The following UBE4B variants were observed in gnomAD, a reference collection of about 807,000 sequenced individuals.
UBE4B encodes ubiquitin conjugation factor E4 B.
UBE4B carries 27 observed loss-of-function variants against 148.1 expected under a neutral mutation model. The ratio of observed to expected loss-of-function variants is 0.18; its 90% CI spans 0.13 to 0.25. The LOEUF is 0.25. UBE4B is among the 10% of genes least tolerant of loss of function. The probability of loss-of-function intolerance (pLI) is 1.00; values close to 1 mark genes in which losing one functional copy is unlikely to be tolerated. For missense variants in UBE4B, 1,170 were observed against 1,662.4 expected (o/e 0.70, Z 5.15); for synonymous variants, 596 against 619.3 (o/e 0.96, Z 0.56).
At chr1:10,092,851 A>G (rs1644871689) in intron 2 of UBE4B, among the ~76,000 whole-genome samples, 2 of 152,022 alleles carry the variant, frequency 1.3e-5, no homozygotes, top group Admixed American at 6.5e-5. Flanking sequence ...GAAGAAAGAA[A>G]AGAAAAGAAG....
chr1:10,178,079 A>G (rs1024417847), intron 25 of UBE4B, among the ~76,000 whole-genome samples: 1 of 152,248 alleles, frequency 6.6e-6, no homozygotes, highest in Admixed American at 6.5e-5. Flanking sequence ...AGGGTGGTCT[A>G]ACGTCCATGG....
In UBE4B at chr1:10,135,047, G is replaced by A. The variant is rs200414852; in HGVS notation, c.2085G>A (p.Gln695=). ...GFMLNFLWVL[Q]QLSTKIKLET... is the part of the protein sequence containing the mutation. ...TGCTGAATTTCCTTTGGGTACTGCA[G>A]CAGCTAAGTACAAAAATCAAGTTAG... The change falls in exon 16 of 28, where the codon CAG becomes CAA. Residue 695 remains glutamine (Q), a synonymous_variant. Coordinates refer to ENST00000343090, the MANE Select transcript of UBE4B (RefSeq NM_001105562.3). 131 of 1,614,010 alleles carry A rather than the reference G, an allele frequency of 8.1e-5. No individual in the cohort carries two copies. The highest frequency in any genetic ancestry group is 4.4e-5 in the South Asian group (4 of 91,084).
At chr1:10,126,689 G>T (rs1645504279) in intron 10 of UBE4B, 105 bp from the exon 11 acceptor site, 1 of 969,086 alleles carries the variant, frequency 1.0e-6, no homozygotes, top group Non-Finnish European at 1.6e-6. Context: ...TTTCCCTGGG[G>T]AAGGAATGAA....
At chr1:10,147,441 C>G (rs1645893416) in intron 19 of UBE4B, among the ~76,000 whole-genome samples, 1 of 151,998 alleles carries the variant, frequency 6.6e-6, no homozygotes, top group Non-Finnish European at 1.5e-5. Context: ...TGCATTGAGC[C>G]GAGATCATGC....
At chr1:10,094,397 G>A (rs2101872283) in intron 2 of UBE4B, among the ~76,000 whole-genome samples, 1 of 151,430 alleles carries the variant, frequency 6.6e-6, no homozygotes, top group Non-Finnish European at 1.5e-5. Flanking sequence ...ATTTTGCAGG[G>A]AACACCCGTA....
At chr1:10,063,208 C>G (rs1644321166) in intron 1 of UBE4B, among the ~76,000 whole-genome samples, 3 of 152,276 alleles carry the variant, frequency 2.0e-5, no homozygotes, top group Admixed American at 2.0e-4. Context: ...GCAGAGGTTG[C>G]AGTGAGCTGA....
At chr1:10,132,276 A>G in intron 14 of UBE4B, 93 bp from the exon 15 acceptor site, 2 of 838,622 alleles carry the variant, frequency 2.4e-6, no homozygotes, top group Non-Finnish European at 3.8e-6. Flanking sequence ...AGAGGAGAGA[A>G]CGTGGGAAGT....
At chr1:10,095,155 A>G (rs1371542027) in intron 2 of UBE4B, among the ~76,000 whole-genome samples, 1 of 152,024 alleles carries the variant, frequency 6.6e-6, no homozygotes, top group Non-Finnish European at 1.5e-5. Flanking sequence ...TTGTATTTCT[A>G]ATTTGTATTT....
intron 25 of UBE4B, among the ~76,000 whole-genome samples, chr1:10,177,658 A>AATAT (rs373828728): frequency 6.6e-5 from 10 of 151,060 alleles, no homozygotes; most frequent in African/African-American, 2.2e-4. Flanking sequence ...TCTGTCTCAA[A>AATAT]ATATATATAT....
intron 2 of UBE4B, among the ~76,000 whole-genome samples, chr1:10,094,969 A>G (rs1051829277): frequency 1.3e-5 from 2 of 151,864 alleles, no homozygotes; most frequent in African/African-American, 4.8e-5. Flanking sequence ...AATAGACATG[A>G]GGTTTCACCA....
chr1:10,116,448 A>G (rs1456124121), intron 7 of UBE4B, among the ~76,000 whole-genome samples: 2 of 152,010 alleles, frequency 1.3e-5, no homozygotes, highest in African/African-American at 4.8e-5. Context: ...CGGCCATATT[A>G]CCATCCTTTA....
intron 25 of UBE4B, among the ~76,000 whole-genome samples, chr1:10,177,320 G>A (rs561946946): frequency 6.6e-6 from 1 of 151,742 alleles, no homozygotes; most frequent in African/African-American, 2.4e-5. Context: ...AGGAGATCGA[G>A]ACCAGCCTGG....
intron 1 of UBE4B, 76 bp from the exon 2 acceptor site, chr1:10,071,952 T>C: frequency 3.5e-6 from 5 of 1,441,014 alleles, no homozygotes; most frequent in Non-Finnish European, 3.7e-6. Flanking sequence ...GGTTTGGTTA[T>C]GAATAATGTC....
intron 2 of UBE4B, among the ~76,000 whole-genome samples, chr1:10,095,071 A>G (rs1335208408): frequency 6.6e-6 from 1 of 152,142 alleles, no homozygotes; most frequent in Non-Finnish European, 1.5e-5. Context: ...GAGCCACTGC[A>G]TCGGCCTGGT....
chr1:10,177,559 G>C (rs143109491), intron 25 of UBE4B, among the ~76,000 whole-genome samples: 1 of 152,092 alleles, frequency 6.6e-6, no homozygotes, highest in African/African-American at 2.4e-5. Context: ...GGGTGGCTAA[G>C]GTGAGAGGAT....
intron 7 of UBE4B, among the ~76,000 whole-genome samples, chr1:10,109,990 C>T (rs1256353921): frequency 1.3e-5 from 2 of 152,146 alleles, no homozygotes; most frequent in Non-Finnish European, 2.9e-5. Context: ...TGAGCCACTG[C>T]GTCCAGCCAA....
rs1043817465 is a variant in UBE4B at position 10,171,362 on chromosome 1, T to C, written c.3525+33T>C. ...AGTTGAGTTGGTCTCTCTGTGAGTT[T>C]ACTGGCAGATTTGGAGATAATAACC... On this transcript the variant is annotated intron_variant, in intron 25 of 27. Coordinates refer to ENST00000343090, the MANE Select transcript of UBE4B (RefSeq NM_001105562.3). 1.9e-6 allele frequency: 3 copies of C among 1,598,810 alleles called. No individual in the cohort carries two copies. The African/African-American group carries it at 4.0e-5, about 21-fold the overall frequency.
chr1:10,038,252 C>T (rs573980414), intron 1 of UBE4B, among the ~76,000 whole-genome samples: 5 of 151,400 alleles, frequency 3.3e-5, no homozygotes, highest in African/African-American at 9.7e-5. Flanking sequence ...TACACTCCAG[C>T]CTGGGCAACA....
At chr1:10,107,055 A>G (rs1020600147) in intron 7 of UBE4B, among the ~76,000 whole-genome samples, 4 of 152,094 alleles carry the variant, frequency 2.6e-5, no homozygotes, top group African/African-American at 9.7e-5. Flanking sequence ...CCTTCTCTCA[A>G]ATGTACCTGT....
Sources: allele counts gnomAD v4.1 joint callset (sites outside exome capture counted in the v4.1 genomes callset), GRCh38; gene constraint gnomAD v4.1.1; transcripts MANE v1.5; gene names NCBI Gene and HGNC (gene_info 2026-07-23, HGNC 2026-07-21).